PNPLA1: variants seen among roughly 807,000 people sequenced by gnomAD.
PNPLA1 encodes the protein omega-hydroxyceramide transacylase.
A neutral mutation model predicts 51.7 loss-of-function variants in PNPLA1; 36 were observed. The ratio of observed to expected loss-of-function variants is 0.70; its 90% CI spans 0.53 to 0.92. The LOEUF (loss-of-function observed/expected upper bound fraction) is 0.92. Ranked by LOEUF, PNPLA1 falls within the 40% of genes least tolerant of loss-of-function variation. PNPLA1 has a pLI of 0.00. For synonymous variants in PNPLA1, 293 were observed against 280.1 expected (o/e 1.05, Z -0.46); for missense variants, 658 against 682.5 (o/e 0.96, Z 0.40).
At chr6:36,287,779 CA>C (rs1314792739) in intron 1 of PNPLA1, among the ~76,000 whole-genome samples, 2 of 151,714 alleles carry the variant, frequency 1.3e-5, no homozygotes, top group African/African-American at 4.8e-5. Flanking sequence ...CACACACACA[CA>C]CACACACACA....
At chr6:36,248,602 A>C (rs1348372559) in intron 1 of PNPLA1, among the ~76,000 whole-genome samples, 2 of 151,906 alleles carry the variant, frequency 1.3e-5, no homozygotes, top group Admixed American at 6.6e-5. Context: ...GCTCACTGCA[A>C]GTGCCTCCTG....
At position 36,286,954 on chromosome 6, in the gene PNPLA1, G is replaced by A. The variant is rs182658245; in HGVS notation, c.206-4366G>A. The stretch of plus-strand genomic sequence containing the variant: ...TCCCATCTCAGCCTCCCAATGTGCT[G>A]GGATTACAGGCATGAACCACCACAC... On this transcript the variant is annotated intron_variant, in intron 1 of 8. Coordinates refer to ENST00000636260, the MANE Select transcript of PNPLA1 (RefSeq NM_001374623.1). 7.7e-4 allele frequency among the ~76,000 whole-genome samples: 117 copies of A among 151,974 alleles called. 1 individual carries two copies. The Middle Eastern group carries it at 0.014, about 18-fold the overall frequency.
At chr6:36,299,259 T>C (rs1166786611) in intron 5 of PNPLA1, among the ~76,000 whole-genome samples, 1 of 152,160 alleles carries the variant, frequency 6.6e-6, no homozygotes, top group Non-Finnish European at 1.5e-5. Flanking sequence ...AGTTGTACCA[T>C]GTTTCATTCC....
chr6:36,259,988 A>AT (rs1005792894), intron 1 of PNPLA1, among the ~76,000 whole-genome samples: 9 of 150,772 alleles, frequency 6.0e-5, no homozygotes, highest in African/African-American at 1.9e-4. Context: ...AAAAGTTGAA[A>AT]TTTTTTTTTT....
At chr6:36,243,988 C>T (rs1211008622) in intron 1 of PNPLA1, among the ~76,000 whole-genome samples, 4 of 152,294 alleles carry the variant, frequency 2.6e-5, no homozygotes, top group Middle Eastern at 6.8e-3. Flanking sequence ...ATGCCCCTTT[C>T]CTGCACAGAT....
At chr6:36,250,954 G>A (rs1450391902) in intron 1 of PNPLA1, among the ~76,000 whole-genome samples, 1 of 152,126 alleles carries the variant, frequency 6.6e-6, no homozygotes, top group Non-Finnish European at 1.5e-5. Context: ...CACCTGCCTC[G>A]GCCTCCCAAA....
chr6:36,246,737 T>A (rs1333285908), intron 1 of PNPLA1, among the ~76,000 whole-genome samples: 1 of 152,150 alleles, frequency 6.6e-6, no homozygotes, highest in Non-Finnish European at 1.5e-5. Context: ...GGCTTTGAGC[T>A]CTGTTGAAAC....
Position 36,295,421 on chromosome 6 carries a change from C to G in PNPLA1, c.772C>G (p.Leu258Val). 1 of 1,614,166 alleles carries G rather than the reference C, an allele frequency of 6.2e-7. No individual in the cohort carries two copies. The highest frequency in any genetic ancestry group is 8.5e-7 in the Non-Finnish European group (1 of 1,180,028). The change falls in exon 5 of 9, where the codon CTG (leucine) becomes GTG (valine). Residue 258 changes from leucine (L) to valine (V), a missense_variant. Coordinates refer to ENST00000636260, the MANE Select transcript of PNPLA1 (RefSeq NM_001374623.1). ...GGATGCAGTTTTGTACTTGAGGCGGCTGAGTAAGTACCGGTGGGGCCCCAG... is the reference window on the plus strand; with the variant it reads ...GGATGCAGTTTTGTACTTGAGGCGGGTGAGTAAGTACCGGTGGGGCCCCAG... ...YEDAVLYLRR[L>V]NAVYLNSSSK...
chr6:36,258,369 C>A (rs1055533240), intron 1 of PNPLA1, among the ~76,000 whole-genome samples: 2 of 152,222 alleles, frequency 1.3e-5, no homozygotes, highest in African/African-American at 2.4e-5. Flanking sequence ...TTAACCACCC[C>A]ACACATCCCT....
chr6:36,284,493 C>T (rs888401147), intron 1 of PNPLA1, among the ~76,000 whole-genome samples: 3 of 152,084 alleles, frequency 2.0e-5, no homozygotes, highest in Non-Finnish European at 4.4e-5. Flanking sequence ...GACCTAGGTC[C>T]TAGGGTATGT....
upstream of PNPLA1, among the ~76,000 whole-genome samples, chr6:36,269,442 C>A (rs886167536): frequency 6.6e-6 from 1 of 152,206 alleles, no homozygotes; most frequent in African/African-American, 2.4e-5. Flanking sequence ...TCTGCCCTGA[C>A]CCCGACGTCC....
chr6:36,287,755 AACACACACACACAC>A (rs57750301), intron 1 of PNPLA1, among the ~76,000 whole-genome samples: 50,360 of 148,364 alleles, frequency 0.34, 9,977 homozygotes, highest in East Asian at 0.48. Context: ...GACAGACAGA[AACACACACACACAC>A]ACACACACAC....
At chr6:36,248,293 A>G (rs1188150670) in intron 1 of PNPLA1, among the ~76,000 whole-genome samples, 2 of 152,170 alleles carry the variant, frequency 1.3e-5, no homozygotes, top group Non-Finnish European at 2.9e-5. Context: ...TTGCTTCCTG[A>G]GCGACAGGAC....
rs1351421377 is a variant in PNPLA1, at chr6:36,313,609, G to A, written c.*1723G>A. 5.3e-5 allele frequency among the ~76,000 whole-genome samples: 8 copies of A among 152,194 alleles called. No homozygotes were observed. Among genetic ancestry groups the A allele is most frequent in the African/African-American group, 1.9e-4 (8 of 41,446 alleles). On this transcript the variant is annotated 3_prime_UTR_variant, in exon 9 of 9. Coordinates refer to ENST00000636260, the MANE Select transcript of PNPLA1 (RefSeq NM_001374623.1). ...GACCCTGAAAATGGTCAAAGTCCCA[G>A]GGGTCTTGCATCCTCTGCCTACTCT...
At chr6:36,251,043 T>C (rs926472870) in intron 1 of PNPLA1, among the ~76,000 whole-genome samples, 1 of 152,158 alleles carries the variant, frequency 6.6e-6, no homozygotes, top group Non-Finnish European at 1.5e-5. Context: ...TGCTCACCAA[T>C]GCATCTCCAG....
chr6:36,282,248 A>G (rs1019243818), intron 1 of PNPLA1, among the ~76,000 whole-genome samples: 2 of 151,176 alleles, frequency 1.3e-5, no homozygotes, highest in Admixed American at 6.6e-5. Flanking sequence ...GAAAGAAAGA[A>G]GGAAAGAAAG....
chr6:36,281,355 A>G (rs1770276031), intron 1 of PNPLA1, among the ~76,000 whole-genome samples: 1 of 152,182 alleles, frequency 6.6e-6, no homozygotes, highest in Non-Finnish European at 1.5e-5. Flanking sequence ...CTGAGATGGA[A>G]GTGTTTTCTG....
chr6:36,273,984 C>T (rs1167011637), intron 1 of PNPLA1, among the ~76,000 whole-genome samples: 3 of 152,094 alleles, frequency 2.0e-5, no homozygotes, highest in Non-Finnish European at 2.9e-5. Flanking sequence ...GTGGGACTCA[C>T]GCTGTCCGCT....
intron 6 of PNPLA1, among the ~76,000 whole-genome samples, chr6:36,305,654 A>G (rs1561873506): frequency 6.6e-6 from 1 of 151,996 alleles, no homozygotes; most frequent in African/African-American, 2.4e-5. Flanking sequence ...TACATGAAGC[A>G]TGTGATGGAA....
Sources: allele counts gnomAD v4.1 joint callset (sites outside exome capture counted in the v4.1 genomes callset), GRCh38; gene constraint gnomAD v4.1.1; transcripts MANE v1.5; gene names NCBI Gene and HGNC (gene_info 2026-07-23, HGNC 2026-07-21).